Variants in KHDRBS2 observed in about 807,000 individuals in gnomAD.
The protein encoded by KHDRBS2 is KH domain-containing, RNA-binding, signal transduction-associated protein 2.
Under a neutral mutation model 44.3 loss-of-function variants are expected in KHDRBS2, and 26 were observed. That is an observed-to-expected ratio of 0.59 (90% CI 0.43 to 0.81). The LOEUF (loss-of-function observed/expected upper bound fraction) is 0.81. Among genes scored for constraint, KHDRBS2 ranks in the 40% least tolerant of loss-of-function variants. The pLI, the probability that KHDRBS2 is intolerant of heterozygous loss-of-function variation, is 0.00. For missense variants in KHDRBS2, 476 were observed against 433.1 expected (o/e 1.10, Z -0.88); for synonymous variants, 194 against 151.1 (o/e 1.28, Z -2.08).
intron 2 of KHDRBS2, among the ~76,000 whole-genome samples, chr6:62,155,713 T>C (rs1160289953): frequency 6.6e-6 from 1 of 152,224 alleles, no homozygotes; most frequent in African/African-American, 2.4e-5. Flanking sequence ...TCAAAAACAA[T>C]TCCCCCATAT....
intron 8 of KHDRBS2, among the ~76,000 whole-genome samples, 191 bp from the exon 9 acceptor site, chr6:61,681,251 T>C (rs531671819): frequency 2.0e-4 from 31 of 152,092 alleles, no homozygotes; most frequent in African/African-American, 6.7e-4. Context: ...GTATTTATTA[T>C]GTGTTAGATT....
At chr6:61,725,958 A>G (rs1773474493) in intron 7 of KHDRBS2, among the ~76,000 whole-genome samples, 1 of 152,166 alleles carries the variant, frequency 6.6e-6, no homozygotes, top group Non-Finnish European at 1.5e-5. Context: ...TGAGGCTGGC[A>G]TCATCCTGAT....
intron 6 of KHDRBS2, among the ~76,000 whole-genome samples, chr6:61,778,971 C>T (rs1178436955): frequency 6.6e-6 from 1 of 152,248 alleles, no homozygotes; most frequent in East Asian, 1.9e-4. Flanking sequence ...AGACCCATTT[C>T]CACACTGACG....
At chr6:62,103,142 C>A (rs1802288913) in intron 2 of KHDRBS2, among the ~76,000 whole-genome samples, 1 of 152,162 alleles carries the variant, frequency 6.6e-6, no homozygotes, top group African/African-American at 2.4e-5. Context: ...GAAGTTCTCA[C>A]TCCTGGTTGC....
At chr6:61,676,625 GA>G (rs1765960514), downstream of KHDRBS2, among the ~76,000 whole-genome samples, 2 of 151,806 alleles carry the variant, frequency 1.3e-5, no homozygotes, top group Admixed American at 1.3e-4. Context: ...TTCTCTGCCA[GA>G]CTTGCTTCAC....
chr6:62,011,721 T>C (rs1324026652), intron 3 of KHDRBS2, among the ~76,000 whole-genome samples: 4 of 152,156 alleles, frequency 2.6e-5, no homozygotes, highest in Non-Finnish European at 5.9e-5. Context: ...TTTTTGTGAC[T>C]AATTTTGGTA....
the KHDRBS2 span, among the ~76,000 whole-genome samples, chr6:61,565,832 C>A: frequency 6.6e-6 from 1 of 152,032 alleles, no homozygotes; most frequent in Non-Finnish European, 1.5e-5. Flanking sequence ...AATAGAACTA[C>A]TTTGTGATTC....
chr6:61,957,021 T>C (rs900622914), intron 4 of KHDRBS2, among the ~76,000 whole-genome samples: 2 of 152,150 alleles, frequency 1.3e-5, no homozygotes, highest in African/African-American at 2.4e-5. Context: ...GAAGATTTCA[T>C]GAACATTTAT....
intron 7 of KHDRBS2, among the ~76,000 whole-genome samples, chr6:61,704,362 G>C (rs1230676720): frequency 5.3e-5 from 8 of 151,772 alleles, no homozygotes; most frequent in Admixed American, 3.9e-4. Context: ...TTTTGTTGTT[G>C]TTGTTTTTCA....
chr6:61,747,385 C>T (rs375252957), intron 6 of KHDRBS2, among the ~76,000 whole-genome samples: 7 of 152,110 alleles, frequency 4.6e-5, no homozygotes, highest in African/African-American at 7.2e-5. Context: ...AACAAGAGCA[C>T]GATGACATGA....
chr6:62,030,000 G>T (rs1303234276), intron 3 of KHDRBS2, among the ~76,000 whole-genome samples: 2 of 151,978 alleles, frequency 1.3e-5, no homozygotes, highest in African/African-American at 4.8e-5. Context: ...ACCATTTAGA[G>T]TTCCAACAAA....
At chr6:61,638,004 G>A in the KHDRBS2 span, among the ~76,000 whole-genome samples, 12 of 152,050 alleles carry the variant, frequency 7.9e-5, no homozygotes, top group African/African-American at 2.4e-4. Flanking sequence ...TCTGATGGTA[G>A]TTTCTTTTGC....
At chr6:62,114,052 C>T (rs1462680432) in intron 2 of KHDRBS2, among the ~76,000 whole-genome samples, 2 of 152,016 alleles carry the variant, frequency 1.3e-5, no homozygotes, top group East Asian at 3.9e-4. Context: ...GGGGGAAAAT[C>T]CCCTTATAAA....
chr6:61,948,654 C>CATTAGTATT (rs1363693280), intron 4 of KHDRBS2, among the ~76,000 whole-genome samples: 3 of 141,600 alleles, frequency 2.1e-5, no homozygotes, highest in African/African-American at 7.8e-5. Context: ...TATATTCTCA[C>CATTAGTATT]ATTATTATTA....
chr6:62,258,873 G>C (rs1837868500), intron 1 of KHDRBS2, among the ~76,000 whole-genome samples: 1 of 151,950 alleles, frequency 6.6e-6, no homozygotes, highest in Non-Finnish European at 1.5e-5. Flanking sequence ...TCCCCATCAG[G>C]GTGACCTCTC....
At position 62,009,838 on chromosome 6, in the gene KHDRBS2, AT is replaced by A. The variant is rs371022749; in HGVS notation, c.337-31627del. 3.0e-3 allele frequency among the ~76,000 whole-genome samples: 457 copies of A among 152,276 alleles called. 1 individual carries two copies. The highest frequency in any genetic ancestry group is 0.01 in the African/African-American group (424 of 41,560). On this transcript the variant is annotated intron_variant, in intron 3 of 8. Transcript: ENST00000281156. Reference sequence around the variant, plus strand: ...GAAACCTCCACCAACATTTCAGGAGATGTATGAAAATGCAGGATATCCAGGC... The same window carrying A: ...GAAACCTCCACCAACATTTCAGGAGAGTATGAAAATGCAGGATATCCAGGC...
chr6:61,744,894 TACAGAATATTA>T (rs1776649070), intron 6 of KHDRBS2, among the ~76,000 whole-genome samples: 2 of 152,190 alleles, frequency 1.3e-5, no homozygotes. Flanking sequence ...ACCCAGTTCC[TACAGAATATTA>T]ACATTTACTA....
chr6:61,654,047 CA>C, the KHDRBS2 span, among the ~76,000 whole-genome samples: 2 of 149,842 alleles, frequency 1.3e-5, no homozygotes, highest in Non-Finnish European at 3.0e-5. Context: ...TTTCCTTCCT[CA>C]AAAAAAAAGC....
intron 6 of KHDRBS2, among the ~76,000 whole-genome samples, chr6:61,775,942 G>T (rs1440166563): frequency 2.0e-5 from 3 of 152,060 alleles, no homozygotes; most frequent in African/African-American, 7.2e-5. Flanking sequence ...CCAAAACAGA[G>T]ATATAGATCA....
Sources: gnomAD v4.1 joint callset for allele counts (sites outside exome capture counted in the v4.1 genomes callset) on GRCh38, gnomAD v4.1.1 for gene constraint, MANE v1.5 for transcripts, NCBI Gene and HGNC (gene_info 2026-07-23, HGNC 2026-07-21) for gene names.